The following GRID1 variants were observed in gnomAD, a reference collection of about 807,000 sequenced individuals.
GRID1 encodes the protein glutamate receptor ionotropic, delta-1.
In GRID1, 28 loss-of-function variants were observed where a neutral mutation model predicts 98.0. The observed-to-expected ratio is 0.29, with a 90% CI of 0.21 to 0.39. The LOEUF is 0.39. Among genes scored for constraint, GRID1 ranks in the 10% least tolerant of loss-of-function variants. GRID1 has a pLI of 1.00. For synonymous variants in GRID1, 553 were observed against 538.5 expected (o/e 1.03, Z -0.37); for missense variants, 1,111 against 1,340.5 (o/e 0.83, Z 2.67).
chr10:86,145,895 A>ACGATGAC (rs1845083193), intron 3 of GRID1, among the ~76,000 whole-genome samples: 1 of 152,128 alleles, frequency 6.6e-6, no homozygotes, highest in Admixed American at 6.5e-5. Flanking sequence ...CAGCAGCCAC[A>ACGATGAC]CGATGACCAC....
rs189301687 is a variant in GRID1 at position 85,613,870 on chromosome 10, C to G, written c.2361-223G>C. Reference sequence around the variant, plus strand: ...TTTTGTCACTCCCCTCCCCAACAGCCCCTCTGCCCTCTCCCACCCTATTCC... The same window carrying G: ...TTTTGTCACTCCCCTCCCCAACAGCGCCTCTGCCCTCTCCCACCCTATTCC... On this transcript the variant is annotated intron_variant, in intron 14 of 15. Coordinates refer to ENST00000327946, the MANE Select transcript of GRID1 (RefSeq NM_017551.3). Among the ~76,000 whole-genome samples, 43 of 152,350 alleles carry G rather than the reference C, an allele frequency of 2.8e-4. No individual in the cohort carries two copies. In the East Asian group the frequency reaches 7.3e-3, roughly 26 times the overall value.
intron 2 of GRID1, among the ~76,000 whole-genome samples, chr10:86,318,866 A>G (rs945257934): frequency 3.9e-5 from 6 of 152,232 alleles, no homozygotes; most frequent in African/African-American, 1.4e-4. Context: ...CAGGAGAGAA[A>G]GCACTAAAAA....
At chr10:85,990,492 A>T (rs1033375977) in intron 4 of GRID1, among the ~76,000 whole-genome samples, 1 of 152,232 alleles carries the variant, frequency 6.6e-6, no homozygotes, top group Non-Finnish European at 1.5e-5. Context: ...AGGTGCTAAG[A>T]CAGAAACATA....
At chr10:86,053,409 G>A (rs1217493487) in intron 4 of GRID1, among the ~76,000 whole-genome samples, 1 of 151,158 alleles carries the variant, frequency 6.6e-6, no homozygotes, top group Non-Finnish European at 1.5e-5. Flanking sequence ...CCAGACTAGA[G>A]TGCAGTGGCG....
rs531470564 is a variant in GRID1, at chr10:85,794,024, C to G, written c.1233+60472G>C. 2.6e-5 allele frequency among the ~76,000 whole-genome samples: 4 copies of G among 152,240 alleles called. No individual in the cohort carries two copies. The East Asian group carries it at 7.7e-4, about 29-fold the overall frequency. On this transcript the variant is annotated intron_variant, in intron 8 of 15. Coordinates refer to ENST00000327946, the MANE Select transcript of GRID1 (RefSeq NM_017551.3). ...AGATAGATTTAACATGCAGCATTTC[C>G]CATACTTAGTTCTCTCCGGGGTCTT...
intron 8 of GRID1, among the ~76,000 whole-genome samples, chr10:85,837,639 A>G (rs577046987): frequency 6.4e-5 from 5 of 78,380 alleles, no homozygotes; most frequent in Admixed American, 4.8e-4. Context: ...ACAAAAGGAG[A>G]AAAAAAAAAA....
At chr10:85,767,237 G>A (rs1447688987) in intron 8 of GRID1, among the ~76,000 whole-genome samples, 1 of 152,168 alleles carries the variant, frequency 6.6e-6, no homozygotes, top group East Asian at 1.9e-4. Context: ...TTGGCGAAAT[G>A]TAGCAATTGT....
chr10:86,341,520 C>CCGGCCA (rs1202848346), intron 2 of GRID1, among the ~76,000 whole-genome samples: 5 of 152,214 alleles, frequency 3.3e-5, no homozygotes, highest in Non-Finnish European at 7.3e-5. Flanking sequence ...CACAGGGCTC[C>CCGGCCA]CGGCCACGGC....
intron 2 of GRID1, among the ~76,000 whole-genome samples, chr10:86,363,523 A>C (rs1006488452): frequency 6.6e-6 from 1 of 152,164 alleles, no homozygotes; most frequent in Non-Finnish European, 1.5e-5. Context: ...CTCACCTCGA[A>C]GCGAGGAAAA....
intron 2 of GRID1, among the ~76,000 whole-genome samples, chr10:86,330,845 T>A (rs1316606498): frequency 6.6e-6 from 1 of 152,218 alleles, no homozygotes; most frequent in African/African-American, 2.4e-5. Flanking sequence ...CTGGTACAAC[T>A]GCCCTGGCAG....
chr10:85,989,650 C>T (rs1299811618), intron 4 of GRID1, among the ~76,000 whole-genome samples: 1 of 152,192 alleles, frequency 6.6e-6, no homozygotes, highest in Non-Finnish European at 1.5e-5. Flanking sequence ...TGAAATGGAA[C>T]AGTTTCATCC....
At chr10:86,272,600 T>A (rs1847202197) in intron 2 of GRID1, among the ~76,000 whole-genome samples, 1 of 152,094 alleles carries the variant, frequency 6.6e-6, no homozygotes, top group Non-Finnish European at 1.5e-5. Context: ...TCTTCTATGT[T>A]CCCCCTAACT....
chr10:85,755,077 C>T (rs977637594), intron 8 of GRID1, among the ~76,000 whole-genome samples: 5 of 152,154 alleles, frequency 3.3e-5, no homozygotes, highest in Non-Finnish European at 5.9e-5. Flanking sequence ...TTTCTTCTCC[C>T]TAGTTCCCCC....
chr10:85,698,770 T>C (rs1338167579), intron 12 of GRID1, among the ~76,000 whole-genome samples: 1 of 152,222 alleles, frequency 6.6e-6, no homozygotes, highest in Admixed American at 6.5e-5. Context: ...ATAACAGCAA[T>C]GAATAAGACC....
intron 2 of GRID1, among the ~76,000 whole-genome samples, chr10:86,362,526 C>A (rs1353166743): frequency 6.6e-6 from 1 of 152,190 alleles, no homozygotes; most frequent in Admixed American, 6.5e-5. Context: ...CTCACCCCCC[C>A]TAAAAGAAAA....
chr10:86,174,948 T>C (rs1047555770), intron 3 of GRID1, among the ~76,000 whole-genome samples: 6 of 152,012 alleles, frequency 3.9e-5, no homozygotes, highest in Admixed American at 1.3e-4. Flanking sequence ...TGAGATACCA[T>C]CTCACACCAG....
chr10:86,276,732 C>T (rs1321392429), intron 2 of GRID1, among the ~76,000 whole-genome samples: 1 of 152,094 alleles, frequency 6.6e-6, no homozygotes, highest in Non-Finnish European at 1.5e-5. Context: ...TCAAGTGTCC[C>T]ACCTGCCTCA....
At chr10:86,062,321 T>C (rs913773771) in intron 4 of GRID1, among the ~76,000 whole-genome samples, 2 of 152,092 alleles carry the variant, frequency 1.3e-5, no homozygotes, top group Middle Eastern at 3.4e-3. Flanking sequence ...GAGGGTATGA[T>C]GGCCCAGCTC....
intron 4 of GRID1, among the ~76,000 whole-genome samples, chr10:85,988,686 TG>T (rs1413581463): frequency 1.3e-5 from 2 of 152,182 alleles, no homozygotes; most frequent in African/African-American, 4.8e-5. Context: ...CACAGGTTGG[TG>T]GTGTGGCCTC....
Sources: allele counts gnomAD v4.1 joint callset (sites outside exome capture counted in the v4.1 genomes callset), GRCh38; gene constraint gnomAD v4.1.1; transcripts MANE v1.5; gene names NCBI Gene and HGNC (gene_info 2026-07-23, HGNC 2026-07-21).